The following ZNF581 variants were observed in gnomAD, a reference collection of about 807,000 sequenced individuals.
The protein encoded by ZNF581 is zinc finger protein 581.
In ZNF581, 1 loss-of-function variant was observed where a neutral mutation model predicts 1.2. The observed-to-expected ratio is 0.83, with a 90% confidence interval of 0.30 to 3.95. The LOEUF (loss-of-function observed/expected upper bound fraction) is 3.95, where lower values mean the gene tolerates loss of function less well. Among genes scored for constraint, ZNF581 ranks in the 30% most tolerant of loss-of-function variants. The pLI, the probability that ZNF581 is intolerant of heterozygous loss-of-function variation, is 0.18. For synonymous variants in ZNF581, 105 were observed against 109.2 expected (o/e 0.96, Z 0.24); for missense variants, 273 against 274.6 (o/e 0.99, Z 0.04).
chr19:55,635,781 AG>A lies in ZNF581; in HGVS notation c.-20+74del, dbSNP rs978558306. 2.4e-5 allele frequency: 22 copies of A among 930,062 alleles called. No individual in the cohort carries two copies. In the African/African-American group the frequency reaches 3.7e-4, roughly 16 times the overall value. 57.6% of individuals were successfully genotyped at this position (930,062 alleles called of 1,614,324 possible). Reference sequence around the variant, plus strand: ...GTGAGAGGCCTTTCATGGCAGGCTGAGGGGGTTATACTATAGGGAGGATTTT... The same window carrying A: ...GTGAGAGGCCTTTCATGGCAGGCTGAGGGGTTATACTATAGGGAGGATTTT... On this transcript the variant is annotated intron_variant, in intron 1 of 1. Transcript: ENST00000587252.
intron 1 of ZNF581, chr19:55,635,831 T>A: frequency 1.7e-6 from 1 of 596,774 alleles, no homozygotes; most frequent in Non-Finnish European, 2.1e-6. Flanking sequence ...GGTGGACTGG[T>A]GAGCAGGGCA....
upstream of ZNF581, among the ~76,000 whole-genome samples, chr19:55,638,906 G>A (rs1212905476): frequency 1.4e-5 from 2 of 143,048 alleles, no homozygotes; most frequent in African/African-American, 5.2e-5. Context: ...TTGGGAGGTG[G>A]AAACAGGAGA....
chr19:55,644,306 C>T lies in ZNF581; in HGVS notation c.-19-247C>T, dbSNP rs1378857541. 6.6e-6 allele frequency among the ~76,000 whole-genome samples: 1 copy of T among 152,098 alleles called. No homozygotes were observed. The highest frequency in any genetic ancestry group is 1.5e-5 in the Non-Finnish European group (1 of 68,022). ...GAGGTCCAGGTTGTGCAGAGGAGGT[C>T]AAGAGATCCTGTGAGTACAGTGTAT... On this transcript the variant is annotated intron_variant, in intron 1 of 1. Coordinates refer to ENST00000270451, the MANE Select transcript of ZNF581 (RefSeq NM_016535.4). The surrounding 1 kb of genome is among the most constrained non-coding windows in gnomAD (Gnocchi z 4.3).
At chr19:55,640,322 C>G (rs536358821), upstream of ZNF581, 8 of 985,146 alleles carry the variant, frequency 8.1e-6, no homozygotes, top group African/African-American at 1.2e-4. Flanking sequence ...GCCCCAGGAC[C>G]TGGCGCAGCC....
At chr19:55,637,584 T>G (rs1436932043), upstream of ZNF581, among the ~76,000 whole-genome samples, 6 of 151,722 alleles carry the variant, frequency 4.0e-5, no homozygotes, top group Non-Finnish European at 7.4e-5. Flanking sequence ...GAGAGAGTGA[T>G]GGAGGCGGAG....
chr19:55,640,116 C>G (rs1982357423), upstream of ZNF581: 1 of 985,278 alleles, frequency 1.0e-6, no homozygotes, highest in African/African-American at 1.7e-5. Context: ...CTTCTGTCCC[C>G]CACTCTCAGC....
At chr19:55,640,924 C>T, upstream of ZNF581, 2 of 985,340 alleles carry the variant, frequency 2.0e-6, no homozygotes, top group Non-Finnish European at 2.4e-6. Flanking sequence ...CCGCAGGGCG[C>T]TCCGCAGAGG....
upstream of ZNF581, chr19:55,642,020 TG>T (rs535492817): frequency 4.2e-6 from 3 of 720,178 alleles, no homozygotes; most frequent in Non-Finnish European, 3.1e-6. Context: ...CGGGGGCCGG[TG>T]GGGGGGTAGG....
upstream of ZNF581, among the ~76,000 whole-genome samples, chr19:55,637,270 T>C (rs947205433): frequency 1.3e-5 from 2 of 152,146 alleles, no homozygotes; most frequent in African/African-American, 4.8e-5. Context: ...GCATGGTGGC[T>C]CACGCCTATA....
chr19:55,640,413 T>G (rs1447142973), upstream of ZNF581: 44 of 985,490 alleles, frequency 4.5e-5, no homozygotes, highest in Non-Finnish European at 5.1e-5. Context: ...AAGCCTGGCC[T>G]TCGCTGCGCT....
Position 55,645,363 on chromosome 19 carries a change from A to C in ZNF581, c.*198A>C. Reference sequence around the variant, plus strand: ...AGGTCCTCCGTGTTCTGGAGCTGAGATGGGAATGAGCCCCTACACAGAATG... The same window carrying C: ...AGGTCCTCCGTGTTCTGGAGCTGAGCTGGGAATGAGCCCCTACACAGAATG... On this transcript the variant is annotated 3_prime_UTR_variant, in exon 2 of 2. Coordinates refer to ENST00000270451, the MANE Select transcript of ZNF581 (RefSeq NM_016535.4). The C allele has an allele frequency of 2.0e-6, 1 of 503,298 alleles. No homozygotes were observed. The highest frequency in any genetic ancestry group is 3.6e-6 in the Non-Finnish European group (1 of 280,850). The allele number at this position is 503,298 out of a possible 1,614,324, so 31.2% of individuals were successfully genotyped here. A position where few individuals can be genotyped will look rare whatever the true frequency, so the allele number is the denominator to read the frequency against.
At chr19:55,641,008 T>G, upstream of ZNF581, 1 of 985,308 alleles carries the variant, frequency 1.0e-6, no homozygotes, top group African/African-American at 1.7e-5. Context: ...CGGCGCCTTT[T>G]CCCAGGGACT....
chr19:55,642,254 T>G (rs1600045747), upstream of ZNF581: 1 of 1,226,548 alleles, frequency 8.2e-7, no homozygotes, highest in Middle Eastern at 3.1e-4. Context: ...TGGTGAGAGG[T>G]GGACCCAGGA....
At chr19:55,641,999 G>A (rs1982521443), upstream of ZNF581, 1 of 978,058 alleles carries the variant, frequency 1.0e-6, no homozygotes, top group Admixed American at 6.2e-5. Context: ...CGGAGGGCCA[G>A]GAGGCCGATA....
upstream of ZNF581, chr19:55,640,489 C>T: frequency 1.0e-6 from 1 of 985,456 alleles, no homozygotes; most frequent in Non-Finnish European, 1.2e-6. Context: ...CCGTCTGGCC[C>T]TCTGTGGGCC....
chr19:55,640,660 T>G, upstream of ZNF581: 7 of 985,438 alleles, frequency 7.1e-6, no homozygotes, highest in Non-Finnish European at 8.4e-6. Flanking sequence ...TCTCCACATT[T>G]GCTCAGCCGG....
At chr19:55,643,096 C>G (rs1055766436), upstream of ZNF581, 1 of 1,321,946 alleles carries the variant, frequency 7.6e-7, no homozygotes, top group Non-Finnish European at 9.7e-7. Context: ...CAGCGTCACT[C>G]ACTCCCACAC....
chr19:55,643,244 C>T (rs1278954063), upstream of ZNF581: 1 of 723,486 alleles, frequency 1.4e-6, no homozygotes. Context: ...CCTCCCTGGG[C>T]CTGGGAACCA....
At position 55,644,501 on chromosome 19, in the gene ZNF581, G is replaced by A; in HGVS notation, c.-19-52G>A. On this transcript the variant is annotated intron_variant, in intron 1 of 1. Transcript: ENST00000270451. This position sits in a 1 kb window ranked among gnomAD's most constrained non-coding sequence, Gnocchi z 4.3. The stretch of plus-strand genomic sequence containing the variant: ...GAGGGAAAAGGATGGAGCCTGTGGT[G>A]CTGAGCTGCCCTCTTCTATATAACC... 8.4e-7 allele frequency: 1 copy of A among 1,192,266 alleles called. No individual in the cohort carries two copies. Among genetic ancestry groups the A allele is most frequent in the Non-Finnish European group, 1.2e-6 (1 of 864,348 alleles). The allele number at this position is 1,192,266 out of a possible 1,614,324, so 73.9% of individuals were successfully genotyped here. A position where few individuals can be genotyped will look rare whatever the true frequency, so the allele number is the denominator to read the frequency against.
Sources: gnomAD v4.1 joint callset for allele counts (sites outside exome capture counted in the v4.1 genomes callset) on GRCh38, gnomAD v4.1.1 for gene constraint, Gnocchi (gnomAD v3.1) non-coding constraint, MANE v1.5 for transcripts, NCBI Gene and HGNC (gene_info 2026-07-23, HGNC 2026-07-21) for gene names.